The following SMYD3 variants were observed in gnomAD, a reference collection of about 807,000 sequenced individuals.
The protein encoded by SMYD3 is histone-lysine N-methyltransferase SMYD3.
SMYD3 carries 36 observed loss-of-function variants against 57.7 expected under a neutral mutation model. The observed-to-expected ratio is 0.62, with a 90% CI of 0.48 to 0.82. The LOEUF (loss-of-function observed/expected upper bound fraction) is 0.82, where lower values mean the gene tolerates loss of function less well. Among genes scored for constraint, SMYD3 ranks in the 40% least tolerant of loss-of-function variants. The pLI is 0.00. For missense variants in SMYD3, 515 were observed against 538.8 expected (o/e 0.96, Z 0.44); for synonymous variants, 211 against 195.0 (o/e 1.08, Z -0.68).
At chr1:246,169,596 A>T (rs930187592) in intron 5 of SMYD3, among the ~76,000 whole-genome samples, 1 of 152,126 alleles carries the variant, frequency 6.6e-6, no homozygotes, top group East Asian at 1.9e-4. Context: ...GGGAGTCTCA[A>T]GTTTGAGTTC....
chr1:246,305,242 A>G (rs947292567), intron 5 of SMYD3, among the ~76,000 whole-genome samples: 8 of 152,222 alleles, frequency 5.3e-5, no homozygotes, highest in Non-Finnish European at 7.3e-5. Flanking sequence ...TCTGTTTCAT[A>G]TTTTATTCTA....
At chr1:245,950,481 C>T (rs1055698554) in intron 5 of SMYD3, among the ~76,000 whole-genome samples, 2 of 152,168 alleles carry the variant, frequency 1.3e-5, no homozygotes, top group Admixed American at 6.5e-5. Context: ...CACACTAGGC[C>T]CTGAACGTCT....
intron 5 of SMYD3, among the ~76,000 whole-genome samples, chr1:246,067,382 C>G (rs1235136311): frequency 5.3e-5 from 8 of 152,172 alleles, no homozygotes; most frequent in Non-Finnish European, 2.9e-5. Context: ...TCACTCCCTT[C>G]AGCATTCTTC....
intron 5 of SMYD3, among the ~76,000 whole-genome samples, chr1:246,029,670 T>C (rs1291457461): frequency 9.3e-6 from 1 of 107,906 alleles, no homozygotes; most frequent in Non-Finnish European, 1.7e-5. Context: ...AGACTCTGTC[T>C]CAGAAAAAAA....
At chr1:245,874,365 G>A (rs1381184623) in intron 8 of SMYD3, among the ~76,000 whole-genome samples, 1 of 152,200 alleles carries the variant, frequency 6.6e-6, no homozygotes, top group Admixed American at 6.5e-5. Context: ...CTAATCTGTG[G>A]TTCTGAATTA....
At chr1:246,065,276 A>G (rs2060321514) in intron 5 of SMYD3, among the ~76,000 whole-genome samples, 1 of 152,238 alleles carries the variant, frequency 6.6e-6, no homozygotes, top group Non-Finnish European at 1.5e-5. Context: ...ACGTGCACCC[A>G]TATTTTCTTC....
At chr1:246,073,292 G>A (rs952805079) in intron 5 of SMYD3, among the ~76,000 whole-genome samples, 1 of 152,174 alleles carries the variant, frequency 6.6e-6, no homozygotes, top group Non-Finnish European at 1.5e-5. Flanking sequence ...GTTCAGTCAT[G>A]TATTTATATG....
intron 8 of SMYD3, among the ~76,000 whole-genome samples, chr1:245,873,815 G>A (rs1368321519): frequency 6.6e-6 from 1 of 152,210 alleles, no homozygotes; most frequent in Non-Finnish European, 1.5e-5. Flanking sequence ...ATGTAAGACT[G>A]TGTGACAGGC....
intron 10 of SMYD3, among the ~76,000 whole-genome samples, chr1:245,797,182 T>C (rs2047559357): frequency 6.6e-6 from 1 of 152,190 alleles, no homozygotes; most frequent in Admixed American, 6.5e-5. Context: ...TTCAGGTCCA[T>C]ACCCAAAGGA....
At chr1:246,496,318 G>A (rs1430334006) in intron 1 of SMYD3, among the ~76,000 whole-genome samples, 1 of 151,974 alleles carries the variant, frequency 6.6e-6, no homozygotes, top group African/African-American at 2.4e-5. Flanking sequence ...ACAGGCGTGA[G>A]CCACCACGCC....
intron 1 of SMYD3, among the ~76,000 whole-genome samples, chr1:246,439,900 T>G (rs989517023): frequency 6.6e-6 from 1 of 152,130 alleles, no homozygotes; most frequent in Non-Finnish European, 1.5e-5. Context: ...CAGTGAGCCA[T>G]GATCGCACCA....
intron 1 of SMYD3, among the ~76,000 whole-genome samples, chr1:246,475,019 T>C (rs1045055648): frequency 1.3e-5 from 2 of 152,126 alleles, no homozygotes; most frequent in Non-Finnish European, 2.9e-5. Context: ...TGTGGCGCAT[T>C]AAAAAGTTTG....
intron 5 of SMYD3, among the ~76,000 whole-genome samples, chr1:246,259,152 T>C (rs1029873620): frequency 4.6e-5 from 7 of 152,354 alleles, no homozygotes; most frequent in Middle Eastern, 3.4e-3. Context: ...CAGTCTTGTC[T>C]TGGATCTCAT....
At position 246,016,755 on chromosome 1, in the gene SMYD3, C is replaced by A. The variant is rs139988877; in HGVS notation, c.532-86818G>T. 8.9e-4 allele frequency among the ~76,000 whole-genome samples: 135 copies of A among 151,798 alleles called. 1 individual carries two copies. The highest frequency in any genetic ancestry group is 2.5e-3 in the African/African-American group (105 of 41,372). On this transcript the variant is annotated intron_variant, in intron 5 of 11. Coordinates refer to ENST00000490107, the MANE Select transcript of SMYD3 (RefSeq NM_001167740.2). ...ATGAGGGCAGAATGAGGGAGCACAG[C>A]GAGCTAACTAAGGTCAAAGAAAAAG... is the stretch of plus-strand genomic sequence containing the variant.
chr1:245,843,210 C>T (rs769181982), intron 10 of SMYD3, among the ~76,000 whole-genome samples: 2 of 152,112 alleles, frequency 1.3e-5, no homozygotes, highest in Non-Finnish European at 2.9e-5. Flanking sequence ...GAAAGCAACA[C>T]AGGCCAGGGA....
At chr1:246,066,684 GT>G (rs1011277655) in intron 5 of SMYD3, among the ~76,000 whole-genome samples, 53 of 152,286 alleles carry the variant, frequency 3.5e-4, no homozygotes, top group African/African-American at 1.2e-3. Flanking sequence ...AATTGCTTAA[GT>G]TTTCATTCTT....
chr1:245,981,306 G>A (rs1160407891), intron 5 of SMYD3, among the ~76,000 whole-genome samples: 1 of 152,140 alleles, frequency 6.6e-6, no homozygotes. Context: ...AGAGGATGAG[G>A]ATCTGCCACT....
chr1:246,020,979 C>A (rs555593650), intron 5 of SMYD3, among the ~76,000 whole-genome samples: 1 of 152,146 alleles, frequency 6.6e-6, no homozygotes, highest in Non-Finnish European at 1.5e-5. Flanking sequence ...CCAGAACAAA[C>A]GTGTATAGGT....
At chr1:245,827,289 G>A (rs1008904342) in intron 10 of SMYD3, among the ~76,000 whole-genome samples, 1 of 152,124 alleles carries the variant, frequency 6.6e-6, no homozygotes, top group African/African-American at 2.4e-5. Context: ...GCCTTCCAGT[G>A]AGCCTTAGAG....
Sources: gnomAD v4.1 joint callset for allele counts (sites outside exome capture counted in the v4.1 genomes callset) on GRCh38, gnomAD v4.1.1 for gene constraint, MANE v1.5 for transcripts, NCBI Gene and HGNC (gene_info 2026-07-23, HGNC 2026-07-21) for gene names.